The following SULT1A1 variants were observed in gnomAD, a reference collection of about 807,000 sequenced individuals.
The protein encoded by SULT1A1 is sulfotransferase family 1A member 1, also known as sulfotransferase 1A1.
Under a neutral mutation model 36.8 loss-of-function variants are expected in SULT1A1, and 35 were observed. That is an observed-to-expected ratio of 0.95 (90% CI 0.73 to 1.26). The LOEUF is 1.26. SULT1A1 is among the 50% of genes most tolerant of loss of function. The pLI is 0.00. For synonymous variants in SULT1A1, 119 were observed against 146.0 expected (o/e 0.82, Z 1.33); for missense variants, 309 against 383.0 (o/e 0.81, Z 1.61).
rs778719435 is a variant in SULT1A1, at chr16:28,605,834, C to T, written c.875G>A (p.Arg292His). 26 of 1,608,980 alleles carry T rather than the reference C, an allele frequency of 1.6e-5. No homozygotes were observed. Among genetic ancestry groups the T allele is most frequent in the Admixed American group, 6.7e-5 (4 of 59,756 alleles). Residue 292 changes from arginine (R) to histidine (H), a missense_variant, in exon 8 of 8, where the codon CGC (arginine) becomes CAC (histidine). By Grantham distance (29) the Arg-to-His change is conservative. Around this residue, in one of 3 missense-constraint regions of SULT1A1, gnomAD observed 67 missense variants for 122.0 expected, o/e 0.55. Transcript: ENST00000314752. The part of the protein sequence containing the change: ...EKMAGCSLSF[R>H]SEL ...CAGGAGCCCCTCTCACAGCTCAGAG[C>T]GGAAGCTGAGGCTGCAGCCTGCCAT...
intron 2 of SULT1A1, among the ~76,000 whole-genome samples, chr16:28,619,023 T>C (rs999903888): frequency 2.0e-5 from 3 of 152,236 alleles, no homozygotes; most frequent in African/African-American, 7.2e-5. Context: ...TTCATTTCTT[T>C]TTTTCTTTTT....
rs1212658090 is a variant in SULT1A1 at position 28,606,385 on chromosome 16, C to T, written c.595-149G>A. 2.2e-5 allele frequency: 31 copies of T among 1,422,734 alleles called. 1 individual carries two copies. The highest frequency in any genetic ancestry group is 2.8e-5 in the Non-Finnish European group (29 of 1,044,312). The allele number at this position is 1,422,734 out of a possible 1,614,324, so 88.1% of individuals were successfully genotyped here. On this transcript the variant is annotated intron_variant, in intron 6 of 7. Coordinates refer to ENST00000314752, the MANE Select transcript of SULT1A1 (RefSeq NM_001055.4). ...TCCTCAACCCCCAGGGCCCCAGTCCCGGGGGTAAAAAGAATTGCTGTCTGC... is the reference window on the plus strand; with the variant it reads ...TCCTCAACCCCCAGGGCCCCAGTCCTGGGGGTAAAAAGAATTGCTGTCTGC...
chr16:28,606,713 G>A lies in SULT1A1; in HGVS notation c.594+48C>T, dbSNP rs757482973. 10 of 1,602,152 alleles carry A rather than the reference G, an allele frequency of 6.2e-6. No individual in the cohort carries two copies. The South Asian group carries it at 8.9e-5, about 14-fold the overall frequency. ...TGGCCTTGGCGGGTCCCTGTGAGGT[G>A]CCTGCCCCCAGGAGTCACATGGAGG... is the stretch of plus-strand genomic sequence containing the variant. On this transcript the variant is annotated intron_variant, in intron 6 of 7. Transcript: ENST00000314752.
At chr16:28,622,912 C>G (rs762615411) in intron 1 of SULT1A1, among the ~76,000 whole-genome samples, 6 of 152,178 alleles carry the variant, frequency 3.9e-5, no homozygotes, top group Non-Finnish European at 7.4e-5. Context: ...GGCTCCCCAG[C>G]CAGTGCCTCC....
chr16:28,619,517 G>A (rs954868686), intron 2 of SULT1A1, among the ~76,000 whole-genome samples: 1 of 152,022 alleles, frequency 6.6e-6, no homozygotes, highest in Non-Finnish European at 1.5e-5. Flanking sequence ...GGAGTTTGAG[G>A]CCAGCCTGTG....
intron 1 of SULT1A1, among the ~76,000 whole-genome samples, chr16:28,620,621 G>A (rs1567318903): frequency 6.7e-6 from 1 of 148,150 alleles, no homozygotes; most frequent in Non-Finnish European, 1.5e-5. Flanking sequence ...AAATTTTAAA[G>A]GAATGATAAA....
At chr16:28,616,914 G>A (rs2047558045) in intron 2 of SULT1A1, among the ~76,000 whole-genome samples, 2 of 152,034 alleles carry the variant, frequency 1.3e-5, no homozygotes, top group Non-Finnish European at 2.9e-5. Flanking sequence ...CTCCCCTCTG[G>A]GCATACCGTG....
Position 28,609,995 on chromosome 16 carries a change from T to C in SULT1A1, c.-69A>G, listed in dbSNP as rs1310470551. 12 of 1,284,980 alleles carry C rather than the reference T, an allele frequency of 9.3e-6. No individual in the cohort carries two copies. The African/African-American group carries it at 1.7e-4, about 18-fold the overall frequency. 79.6% of individuals were successfully genotyped at this position (1,284,980 alleles called of 1,614,324 possible). A position where few individuals can be genotyped will look rare whatever the true frequency, so the allele number is the denominator to read the frequency against. On this transcript the variant is annotated 5_prime_UTR_variant, in exon 1 of 8. Transcript: ENST00000314752. ...GCAGTGGCTGATTGTGGGTGTTGTG[T>C]GGGGAATGCAGGGTTGTTCTCTGAG... is the stretch of plus-strand genomic sequence containing the variant.
intron 4 of SULT1A1, chr16:28,608,050 G>A (rs2047286590): frequency 1.9e-6 from 1 of 522,422 alleles, no homozygotes; most frequent in East Asian, 3.2e-5. Flanking sequence ...GCAATGGTGG[G>A]ATCTCTGGCT....
At chr16:28,610,185 G>A (rs1347786936), upstream of SULT1A1, 1 of 1,284,704 alleles carries the variant, frequency 7.8e-7, no homozygotes, top group East Asian at 5.6e-5. Flanking sequence ...AGCCACGACT[G>A]AGTTTGCTGT....
At chr16:28,623,097 T>TGGC in intron 1 of SULT1A1, 1 of 1,391,252 alleles carries the variant, frequency 7.2e-7, no homozygotes, top group Non-Finnish European at 9.8e-7. Context: ...CCAATACTGG[T>TGGC]CCCACCCCCC....
chr16:28,621,272 A>G (rs2047648184), intron 1 of SULT1A1, among the ~76,000 whole-genome samples: 2 of 151,942 alleles, frequency 1.3e-5, no homozygotes, highest in Admixed American at 6.6e-5. Context: ...ACTTGAGTTC[A>G]GGAGTTCGAG....
chr16:28,607,301 A>G (rs943442630), intron 4 of SULT1A1: 3 of 756,150 alleles, frequency 4.0e-6, no homozygotes. Context: ...ATCTGCATCA[A>G]TGCGTCACAC....
exon 2 of SULT1A1, chr16:28,620,071 T>G (rs2047621755): frequency 6.2e-7 from 1 of 1,613,060 alleles, no homozygotes; most frequent in African/African-American, 1.3e-5. Flanking sequence ...ACCATATAGG[T>G]GTTCCAGAAT....
chr16:28,622,694 C>G (rs901310489), intron 1 of SULT1A1, among the ~76,000 whole-genome samples: 1 of 152,156 alleles, frequency 6.6e-6, no homozygotes, highest in African/African-American at 2.4e-5. Context: ...GGTTCCTTCC[C>G]TGTCCCACGA....
At chr16:28,618,636 G>A (rs1039658866) in intron 2 of SULT1A1, among the ~76,000 whole-genome samples, 6 of 152,092 alleles carry the variant, frequency 3.9e-5, no homozygotes, top group African/African-American at 1.4e-4. Flanking sequence ...GAGCCACCGT[G>A]CCCGGCCTAA....
Position 28,608,519 on chromosome 16 carries a change from C to G in SULT1A1, c.233G>C (p.Arg78Pro). The G allele has an allele frequency of 1.2e-6, 2 of 1,612,442 alleles. No individual in the cohort carries two copies. Among genetic ancestry groups the G allele is most frequent in the Non-Finnish European group, 1.7e-6 (2 of 1,178,686 alleles). Residue 78 changes from arginine to proline, a missense_variant, in exon 3 of 8, where the codon CGG becomes CCG. This residue lies in a region of SULT1A1 where 219 missense variants were observed against 215.3 expected (regional missense o/e 1.02). Coordinates refer to ENST00000314752, the MANE Select transcript of SULT1A1 (RefSeq NM_001055.4). The part of the protein sequence containing the change: ...EKCHRAPIFM[R>P]VPFLEFKAPG... ...GGCTTTGAACTCAAGGAAGGGCACCCGCATGAAGATGGGAGCTCGGTGACA... is the reference window on the plus strand; with the variant it reads ...GGCTTTGAACTCAAGGAAGGGCACCGGCATGAAGATGGGAGCTCGGTGACA...
At chr16:28,617,827 G>GCC (rs71658328) in intron 2 of SULT1A1, among the ~76,000 whole-genome samples, 1 of 152,042 alleles carries the variant, frequency 6.6e-6, no homozygotes, top group Non-Finnish European at 1.5e-5. Context: ...GTCGTGCCCG[G>GCC]CCGACAATTT....
intron 2 of SULT1A1, among the ~76,000 whole-genome samples, chr16:28,615,999 C>A (rs914991422): frequency 1.3e-5 from 1 of 77,096 alleles, no homozygotes; most frequent in Non-Finnish European, 3.1e-5. Context: ...CACTGAAGCA[C>A]AGCATCACAG....
Sources: allele counts gnomAD v4.1 joint callset (sites outside exome capture counted in the v4.1 genomes callset), GRCh38; gene constraint gnomAD v4.1.1; regional missense constraint gnomAD v4.1.1; transcripts MANE v1.5; gene names NCBI Gene and HGNC (gene_info 2026-07-23, HGNC 2026-07-21).